The following MGMT variants were observed in gnomAD, a reference collection of about 807,000 sequenced individuals.
The protein encoded by MGMT is O-6-methylguanine-DNA methyltransferase.
Under a neutral mutation model 15.9 loss-of-function variants are expected in MGMT, and 14 were observed. The ratio of observed to expected loss-of-function variants is 0.88; its 90% CI spans 0.58 to 1.37. MGMT has a LOEUF of 1.37. Ranked by LOEUF, MGMT falls within the 40% of genes most tolerant of loss-of-function variation. MGMT has a pLI of 0.00. For synonymous variants in MGMT, 130 were observed against 118.2 expected (o/e 1.10, Z -0.65); for missense variants, 282 against 268.1 (o/e 1.05, Z -0.36).
chr10:129,478,474 C>G (rs1302490601), intron 1 of MGMT, among the ~76,000 whole-genome samples: 1 of 152,184 alleles, frequency 6.6e-6, no homozygotes, highest in African/African-American at 2.4e-5. Flanking sequence ...GCTTATGTGG[C>G]TACTGATGGG....
At chr10:129,518,325 G>GACACACACACACACACAC (rs1293188269) in intron 1 of MGMT, among the ~76,000 whole-genome samples, 25 of 88,106 alleles carry the variant, frequency 2.8e-4, no homozygotes, top group African/African-American at 6.7e-4. Flanking sequence ...TGTGTGTACA[G>GACACACACACACACACAC]ATACACACAC....
chr10:129,685,688 C>T (rs1320900394), intron 2 of MGMT, among the ~76,000 whole-genome samples: 2 of 152,198 alleles, frequency 1.3e-5, no homozygotes, highest in East Asian at 1.9e-4. Context: ...AGGTTCCTGA[C>T]TCCGCTTTGA....
intron 2 of MGMT, among the ~76,000 whole-genome samples, chr10:129,561,697 A>G (rs573658028): frequency 6.6e-6 from 1 of 152,310 alleles, no homozygotes; most frequent in East Asian, 1.9e-4. Flanking sequence ...GAGTCTACAA[A>G]TAGCATAAAC....
rs368601315 is a variant in MGMT, at chr10:129,714,322, T to A, written c.274+6279T>A. 1.3e-3 allele frequency among the ~76,000 whole-genome samples: 202 copies of A among 152,376 alleles called. 1 individual carries two copies. The highest frequency in any genetic ancestry group is 4.7e-3 in the African/African-American group (196 of 41,592). On this transcript the variant is annotated intron_variant, in intron 3 of 4. Coordinates refer to ENST00000651593, the MANE Select transcript of MGMT (RefSeq NM_002412.5). ...TCAGATTGTGTCTTAGTTCATTGTT[T>A]CATATTTGAATATGCAGTTTCCTAC...
intron 4 of MGMT, among the ~76,000 whole-genome samples, chr10:129,764,639 G>T (rs559970700): frequency 6.6e-6 from 1 of 152,374 alleles, no homozygotes; most frequent in East Asian, 1.9e-4. Flanking sequence ...CTGGGCATGG[G>T]CAGAAATCAT....
rs532755424 is a variant in MGMT at position 129,746,093 on chromosome 10, G to A, written c.275-13109G>A. 2.0e-5 allele frequency among the ~76,000 whole-genome samples: 3 copies of A among 152,014 alleles called. No homozygotes were observed. In the South Asian group the frequency reaches 6.2e-4, roughly 32 times the overall value. ...TACTAAAAAAATACAAAAAAAATTAGCCAGGCGTGGTGGCAGGCGCCTGTA... is the reference window on the plus strand; with the variant it reads ...TACTAAAAAAATACAAAAAAAATTAACCAGGCGTGGTGGCAGGCGCCTGTA... On this transcript the variant is annotated intron_variant, in intron 3 of 4. Coordinates refer to ENST00000651593, the MANE Select transcript of MGMT (RefSeq NM_002412.5).
At chr10:129,628,929 T>C (rs1024311457) in intron 2 of MGMT, among the ~76,000 whole-genome samples, 2 of 152,142 alleles carry the variant, frequency 1.3e-5, no homozygotes, top group Non-Finnish European at 2.9e-5. Flanking sequence ...GCAACAGCCA[T>C]TGAAACTCAA....
Position 129,565,129 on chromosome 10 carries a change from T to C in MGMT, c.125+28752T>C, listed in dbSNP as rs534552480. ...TGTAGCCTGCCCGGCGGGGCCGGGG[T>C]GTGGCAGGACCGAAGCCTGCTCCTC... On this transcript the variant is annotated intron_variant, in intron 2 of 4. Transcript: ENST00000651593. Among the ~76,000 whole-genome samples the C allele has an allele frequency of 3.9e-5, 6 of 152,160 alleles. No individual in the cohort carries two copies. In the South Asian group the frequency reaches 1.2e-3, roughly 32 times the overall value.
At chr10:129,608,832 G>C (rs1394224214) in intron 2 of MGMT, among the ~76,000 whole-genome samples, 1 of 152,244 alleles carries the variant, frequency 6.6e-6, no homozygotes. Flanking sequence ...CTGAGGCCCC[G>C]TCCGCCTTGG....
At chr10:129,620,337 G>A (rs1348985345) in intron 2 of MGMT, among the ~76,000 whole-genome samples, 1 of 152,202 alleles carries the variant, frequency 6.6e-6, no homozygotes. Context: ...TTCTATAAAT[G>A]TACGTTGGGT....
chr10:129,547,223 G>T (rs928011769), intron 2 of MGMT, among the ~76,000 whole-genome samples: 22 of 152,276 alleles, frequency 1.4e-4, no homozygotes, highest in Admixed American at 9.1e-4. Flanking sequence ...CCTGTGTCTT[G>T]ATTTCACTGT....
intron 2 of MGMT, among the ~76,000 whole-genome samples, chr10:129,604,741 C>A (rs1627494): frequency 1.5e-5 from 1 of 65,910 alleles, no homozygotes; most frequent in African/African-American, 4.0e-5. Context: ...CGCCCCACCC[C>A]CTCCCCCCGG....
rs115627417 is a variant in MGMT, at chr10:129,510,644, T to G, written c.-12-25597T>G. ...TTTAGGAAGTTGATAGAAGTGTACA[T>G]ATTGATGAAAATAAAAATTCGTAAG... On this transcript the variant is annotated intron_variant, in intron 1 of 4. Transcript: ENST00000651593. Among the ~76,000 whole-genome samples the G allele has an allele frequency of 5.0e-3, 761 of 152,288 alleles. 10 individuals carry two copies. Among genetic ancestry groups the G allele is most frequent in the African/African-American group, 0.018 (734 of 41,548 alleles).
intron 1 of MGMT, 51 bp from the exon 2 acceptor site, chr10:129,536,190 A>G: frequency 1.3e-6 from 2 of 1,591,590 alleles, no homozygotes; most frequent in Non-Finnish European, 1.7e-6. Flanking sequence ...TGTTTTATAT[A>G]CGACCAGCCT....
chr10:129,483,879 AATAG>A (rs1354209596), intron 1 of MGMT, among the ~76,000 whole-genome samples: 1 of 152,088 alleles, frequency 6.6e-6, no homozygotes, highest in African/African-American at 2.4e-5. Flanking sequence ...TAGGTAGATA[AATAG>A]ATATATAGAT....
intron 3 of MGMT, 31 bp from the exon 4 acceptor site, chr10:129,759,171 A>G (rs374376818): frequency 1.2e-6 from 2 of 1,613,342 alleles, no homozygotes; most frequent in Non-Finnish European, 1.7e-6. Context: ...CCGTTTGTCC[A>G]AATAACATTA....
At chr10:129,635,024 C>T (rs1220104805) in intron 2 of MGMT, among the ~76,000 whole-genome samples, 2 of 152,160 alleles carry the variant, frequency 1.3e-5, no homozygotes, top group African/African-American at 2.4e-5. Context: ...TTTTAAGATT[C>T]GTTAGGTAGA....
At chr10:129,570,346 T>C (rs1846402929) in intron 2 of MGMT, among the ~76,000 whole-genome samples, 1 of 152,262 alleles carries the variant, frequency 6.6e-6, no homozygotes, top group Non-Finnish European at 1.5e-5. Flanking sequence ...TGCTTACAGG[T>C]CACGAGTCCA....
chr10:129,499,940 G>C (rs1845558728), intron 1 of MGMT, among the ~76,000 whole-genome samples: 1 of 152,170 alleles, frequency 6.6e-6, no homozygotes, highest in Non-Finnish European at 1.5e-5. Context: ...AAATAATTAG[G>C]TCTTATTTTT....
Sources: allele counts gnomAD v4.1 joint callset (sites outside exome capture counted in the v4.1 genomes callset), GRCh38; gene constraint gnomAD v4.1.1; transcripts MANE v1.5; gene names NCBI Gene and HGNC (gene_info 2026-07-23, HGNC 2026-07-21).